The following GRIP1 variants were observed in gnomAD, a reference collection of about 807,000 sequenced individuals.
The protein encoded by GRIP1 is glutamate receptor-interacting protein 1.
In GRIP1, 45 loss-of-function variants were observed where a neutral mutation model predicts 129.9. That is an observed-to-expected ratio of 0.35 (90% confidence interval 0.27 to 0.44). GRIP1 has a LOEUF of 0.44. GRIP1 is among the 20% of genes least tolerant of loss of function. GRIP1 has a pLI of 1.00. For synonymous variants in GRIP1, 530 were observed against 520.8 expected (o/e 1.02, Z -0.24); for missense variants, 1,196 against 1,396.8 (o/e 0.86, Z 2.29).
At chr12:66,405,328 C>T (rs1002715995) in intron 16 of GRIP1, among the ~76,000 whole-genome samples, 6 of 152,234 alleles carry the variant, frequency 3.9e-5, no homozygotes, top group Non-Finnish European at 5.9e-5. Flanking sequence ...GTAAATTAAA[C>T]GTTTACTTTA....
At chr12:66,359,134 C>T (rs2054627481) in intron 23 of GRIP1, among the ~76,000 whole-genome samples, 1 of 152,196 alleles carries the variant, frequency 6.6e-6, no homozygotes, top group South Asian at 2.1e-4. Flanking sequence ...CCTGCAGACT[C>T]TGTGCCTACG....
intron 2 of GRIP1, among the ~76,000 whole-genome samples, chr12:66,584,356 A>G (rs1190074508): frequency 6.6e-6 from 1 of 152,038 alleles, no homozygotes; most frequent in Non-Finnish European, 1.5e-5. Context: ...ATGTATACAT[A>G]TGTAACTAAC....
intron 1 of GRIP1, among the ~76,000 whole-genome samples, chr12:66,919,731 C>T (rs2041183020): frequency 6.6e-6 from 1 of 152,016 alleles, no homozygotes; most frequent in South Asian, 2.1e-4. Flanking sequence ...TGAGGTAAGC[C>T]AGAAAAATGT....
intron 1 of GRIP1, among the ~76,000 whole-genome samples, chr12:66,850,808 C>T (rs954840534): frequency 3.3e-5 from 5 of 151,770 alleles, no homozygotes; most frequent in African/African-American, 1.2e-4. Context: ...GCTAATATAT[C>T]TATCAACTGA....
At chr12:66,511,156 T>G (rs753093379) in intron 7 of GRIP1, among the ~76,000 whole-genome samples, 1 of 152,044 alleles carries the variant, frequency 6.6e-6, no homozygotes, top group Non-Finnish European at 1.5e-5. Context: ...TCTCATGAGA[T>G]CTGATGGTTT....
intron 1 of GRIP1, among the ~76,000 whole-genome samples, chr12:66,773,107 G>A (rs1178442630): frequency 6.6e-6 from 1 of 152,202 alleles, no homozygotes; most frequent in Non-Finnish European, 1.5e-5. Flanking sequence ...AAGGGAGGCA[G>A]AGCTGAGAAA....
upstream of GRIP1, among the ~76,000 whole-genome samples, chr12:66,807,567 G>A (rs900305659): frequency 7.2e-5 from 11 of 152,106 alleles, no homozygotes; most frequent in Non-Finnish European, 1.2e-4. Flanking sequence ...CCAGCTACTC[G>A]GGAGGCTGAG....
chr12:67,002,768 TTTTCTTTCC>T (rs1346086185), intron 1 of GRIP1, among the ~76,000 whole-genome samples: 5 of 152,238 alleles, frequency 3.3e-5, no homozygotes, highest in African/African-American at 1.2e-4. Flanking sequence ...TACTTTTATT[TTTTCTTTCC>T]TTTCTTTCCT....
chr12:66,589,263 T>C (rs1418566357), intron 2 of GRIP1, among the ~76,000 whole-genome samples: 3 of 149,250 alleles, frequency 2.0e-5, no homozygotes. Context: ...ACTCTCGCTC[T>C]AGGTTAGGTT....
intron 1 of GRIP1, among the ~76,000 whole-genome samples, chr12:66,784,191 A>T (rs140273797): frequency 6.6e-6 from 1 of 152,286 alleles, no homozygotes; most frequent in Non-Finnish European, 1.5e-5. Flanking sequence ...AGCATAAATG[A>T]TCACTTTATC....
chr12:67,048,339 C>G (rs1159563902), intron 1 of GRIP1, among the ~76,000 whole-genome samples: 1 of 152,074 alleles, frequency 6.6e-6, no homozygotes, highest in South Asian at 2.1e-4. Flanking sequence ...GAAAAGTTAG[C>G]CAAACTCTCA....
In GRIP1 at chr12:66,559,738, C is replaced by A. The variant is rs77406579; in HGVS notation, c.137-17788G>T. 2.0e-5 allele frequency among the ~76,000 whole-genome samples: 3 copies of A among 152,226 alleles called. No individual in the cohort carries two copies. In the East Asian group the frequency reaches 5.8e-4, roughly 29 times the overall value. ...GGAAGAATCAATATTGTTACGATGT[C>A]ATACTACGGAAAGCAATCTACTAAT... On this transcript the variant is annotated intron_variant, in intron 2 of 24. Coordinates refer to ENST00000359742, the MANE Select transcript of GRIP1 (RefSeq NM_001366722.1).
intron 16 of GRIP1, among the ~76,000 whole-genome samples, chr12:66,401,579 CAAA>C (rs576589514): frequency 1.6e-5 from 1 of 63,858 alleles, no homozygotes; most frequent in African/African-American, 6.1e-5. Flanking sequence ...AATTCCGTCT[CAAA>C]AAAAAAAATA....
intron 1 of GRIP1, among the ~76,000 whole-genome samples, chr12:66,883,308 C>A (rs1188118042): frequency 6.6e-6 from 1 of 152,048 alleles, no homozygotes. Context: ...AGTCTTCACA[C>A]TAGATTATAA....
At chr12:66,423,787 G>C (rs1210336468) in intron 14 of GRIP1, among the ~76,000 whole-genome samples, 1 of 152,106 alleles carries the variant, frequency 6.6e-6, no homozygotes, top group African/African-American at 2.4e-5. Context: ...TATGGGGATG[G>C]GGAAGGATAC....
At chr12:66,467,983 A>C (rs996291040) in intron 7 of GRIP1, among the ~76,000 whole-genome samples, 5 of 152,218 alleles carry the variant, frequency 3.3e-5, no homozygotes, top group African/African-American at 1.2e-4. Flanking sequence ...TATATTACTT[A>C]TTAATCTCTT....
intron 19 of GRIP1, among the ~76,000 whole-genome samples, chr12:66,388,788 G>A (rs2056464185): frequency 6.6e-6 from 1 of 152,184 alleles, no homozygotes; most frequent in Non-Finnish European, 1.5e-5. Flanking sequence ...GAAGTGATAG[G>A]GCCACTGTTT....
intron 24 of GRIP1, among the ~76,000 whole-genome samples, chr12:66,352,282 G>T (rs1453376667): frequency 6.6e-6 from 1 of 152,156 alleles, no homozygotes; most frequent in Non-Finnish European, 1.5e-5. Context: ...GGTTTAAGTC[G>T]CAGCATGTGA....
chr12:66,436,085 T>C (rs1413705924), intron 13 of GRIP1, among the ~76,000 whole-genome samples: 1 of 152,248 alleles, frequency 6.6e-6, no homozygotes, highest in African/African-American at 2.4e-5. Context: ...ATGTTTATTT[T>C]GTTAGACTCG....
Sources: gnomAD v4.1 joint callset for allele counts (sites outside exome capture counted in the v4.1 genomes callset) on GRCh38, gnomAD v4.1.1 for gene constraint, MANE v1.5 for transcripts, NCBI Gene and HGNC (gene_info 2026-07-23, HGNC 2026-07-21) for gene names.